CDH13: variants seen among roughly 807,000 people sequenced by gnomAD.
The protein encoded by CDH13 is cadherin-13.
A neutral mutation model predicts 63.8 loss-of-function variants in CDH13; 24 were observed. The observed-to-expected ratio is 0.38, with a 90% CI of 0.27 to 0.53. The LOEUF (loss-of-function observed/expected upper bound fraction) is 0.53. Among genes scored for constraint, CDH13 ranks in the 20% least tolerant of loss-of-function variants. The pLI is 0.85. For synonymous variants in CDH13, 503 were observed against 355.3 expected, an observed-to-expected ratio of 1.42 and a Z score of -4.67; for missense variants, 1,049 against 903.1, an observed-to-expected ratio of 1.16 and a Z score of -2.07.
chr16:83,405,265 C>G (rs1421902287), intron 6 of CDH13, among the ~76,000 whole-genome samples: 1 of 152,152 alleles, frequency 6.6e-6, no homozygotes, highest in African/African-American at 2.4e-5. Context: ...TATCCCCCAT[C>G]CCCCTGGAAG....
chr16:82,791,003 C>T (rs1440406060), intron 1 of CDH13, among the ~76,000 whole-genome samples: 2 of 152,090 alleles, frequency 1.3e-5, no homozygotes, highest in African/African-American at 2.4e-5. Context: ...TTTGGGAGGC[C>T]GAGGCGGGCA....
chr16:82,693,197 C>G (rs1212877885), intron 1 of CDH13, among the ~76,000 whole-genome samples: 2 of 152,158 alleles, frequency 1.3e-5, no homozygotes, highest in African/African-American at 4.8e-5. Context: ...TCCTTTGAAG[C>G]CTTTTGAAGC....
chr16:83,256,701 C>T (rs779248961), intron 5 of CDH13, among the ~76,000 whole-genome samples: 40 of 145,776 alleles, frequency 2.7e-4, no homozygotes, highest in African/African-American at 9.0e-4. Flanking sequence ...AAAAATTAGC[C>T]GGGCATGGTG....
At chr16:82,937,627 A>G (rs2042712755) in intron 2 of CDH13, among the ~76,000 whole-genome samples, 1 of 152,324 alleles carries the variant, frequency 6.6e-6, no homozygotes, top group East Asian at 1.9e-4. Context: ...TTGCAAACAG[A>G]TATATTGTTG....
chr16:82,938,875 T>C (rs538659452), intron 2 of CDH13, among the ~76,000 whole-genome samples: 1 of 152,146 alleles, frequency 6.6e-6, no homozygotes, highest in East Asian at 1.9e-4. Context: ...GAGGTACTTA[T>C]TTCAGTGCTC....
intron 8 of CDH13, among the ~76,000 whole-genome samples, chr16:83,653,268 C>T (rs1252413057): frequency 1.3e-5 from 2 of 152,094 alleles, no homozygotes; most frequent in African/African-American, 4.8e-5. Context: ...GGAATCCATT[C>T]ATATGTACAA....
At chr16:82,850,244 T>A (rs1354769434) in intron 1 of CDH13, among the ~76,000 whole-genome samples, 2 of 152,026 alleles carry the variant, frequency 1.3e-5, no homozygotes, top group Admixed American at 1.3e-4. Flanking sequence ...GGTTAAAATG[T>A]CAAAAATAAC....
Position 82,681,590 on chromosome 16 carries a change from C to T in CDH13, c.45+54453C>T, listed in dbSNP as rs566062611. Among the ~76,000 whole-genome samples, 20 of 152,372 alleles carry T rather than the reference C, an allele frequency of 1.3e-4. No individual in the cohort carries two copies. The East Asian group carries it at 1.7e-3, about 13-fold the overall frequency. ...TCATTTTCTGAGCTAGTCACCAAAA[C>T]GTATCTGACACTTTCTTGCTTAACC... On this transcript the variant is annotated intron_variant, in intron 1 of 13. Coordinates refer to ENST00000567109, the MANE Select transcript of CDH13 (RefSeq NM_001257.5).
At chr16:82,899,005 G>C (rs890081465) in intron 2 of CDH13, among the ~76,000 whole-genome samples, 3 of 152,232 alleles carry the variant, frequency 2.0e-5, no homozygotes, top group African/African-American at 7.2e-5. Flanking sequence ...AAGAGGACCA[G>C]CATTCAGACT....
chr16:82,890,434 G>A (rs937222386), intron 2 of CDH13, among the ~76,000 whole-genome samples: 13 of 152,252 alleles, frequency 8.5e-5, no homozygotes, highest in African/African-American at 2.4e-4. Flanking sequence ...CTTTAAAAAC[G>A]ATTCCTTTGC....
chr16:83,371,660 A>G (rs1236183012), intron 6 of CDH13, among the ~76,000 whole-genome samples: 1 of 152,258 alleles, frequency 6.6e-6, no homozygotes, highest in African/African-American at 2.4e-5. Context: ...TTTAAAGTAT[A>G]TTGAAAGTAG....
intron 6 of CDH13, among the ~76,000 whole-genome samples, chr16:83,433,606 C>T (rs916001667): frequency 6.6e-6 from 1 of 152,152 alleles, no homozygotes; most frequent in Non-Finnish European, 1.5e-5. Context: ...GGTGGTTTCT[C>T]CTATTGACTC....
intron 7 of CDH13, among the ~76,000 whole-genome samples, chr16:83,510,194 C>T (rs963873769): frequency 2.6e-5 from 4 of 152,008 alleles, no homozygotes; most frequent in Non-Finnish European, 5.9e-5. Flanking sequence ...ATATTATTTT[C>T]GAGTGGATAA....
intron 7 of CDH13, among the ~76,000 whole-genome samples, chr16:83,496,412 G>C (rs1358001903): frequency 1.3e-5 from 2 of 151,122 alleles, no homozygotes; most frequent in Non-Finnish European, 2.9e-5. Flanking sequence ...AATGGGGAAA[G>C]GATTCCCTGT....
At chr16:83,344,359 G>A (rs997742849) in intron 5 of CDH13, among the ~76,000 whole-genome samples, 1 of 152,134 alleles carries the variant, frequency 6.6e-6, no homozygotes, top group Non-Finnish European at 1.5e-5. Context: ...GTCTCATTCA[G>A]GCCCCCTGCA....
chr16:82,994,379 C>T (rs1322744016), intron 2 of CDH13, among the ~76,000 whole-genome samples: 2 of 152,160 alleles, frequency 1.3e-5, no homozygotes, highest in Non-Finnish European at 2.9e-5. Flanking sequence ...CATCAAGCCT[C>T]AGCGGGGTGC....
At chr16:83,176,101 C>G (rs8060220) in intron 4 of CDH13, among the ~76,000 whole-genome samples, 1 of 151,362 alleles carries the variant, frequency 6.6e-6, no homozygotes, top group African/African-American at 2.4e-5. Context: ...CCACTTGCCT[C>G]GGTCTCCCAG....
At chr16:83,765,368 C>T (rs765003124) in intron 11 of CDH13, among the ~76,000 whole-genome samples, 3 of 151,912 alleles carry the variant, frequency 2.0e-5, no homozygotes, top group Non-Finnish European at 4.4e-5. Flanking sequence ...AATTTTTGTA[C>T]AACAGTTTAG....
At chr16:83,530,179 A>C (rs117208969) in intron 7 of CDH13, among the ~76,000 whole-genome samples, 3 of 152,300 alleles carry the variant, frequency 2.0e-5, no homozygotes, top group African/African-American at 7.2e-5. Flanking sequence ...GCTTGGTGCT[A>C]TTCATGATAA....
Sources: gnomAD v4.1 joint callset for allele counts (sites outside exome capture counted in the v4.1 genomes callset) on GRCh38, gnomAD v4.1.1 for gene constraint, MANE v1.5 for transcripts, NCBI Gene and HGNC (gene_info 2026-07-23, HGNC 2026-07-21) for gene names.